Variants in CCDC85C observed in about 807,000 individuals in gnomAD.
The protein encoded by CCDC85C is coiled-coil domain-containing protein 85C.
Under a neutral mutation model 38.3 loss-of-function variants are expected in CCDC85C, and 18 were observed. The observed-to-expected ratio is 0.47, with a 90% CI of 0.33 to 0.70. The LOEUF (loss-of-function observed/expected upper bound fraction) is 0.70, where lower values mean the gene tolerates loss of function less well. Among genes scored for constraint, CCDC85C ranks in the 30% least tolerant of loss-of-function variants. The probability of loss-of-function intolerance (pLI) is 0.03; values close to 1 mark genes in which losing one functional copy is unlikely to be tolerated. For synonymous variants in CCDC85C, 264 were observed against 293.8 expected (o/e 0.90, Z 1.04); for missense variants, 566 against 621.2 (o/e 0.91, Z 0.94).
intron 1 of CCDC85C, among the ~76,000 whole-genome samples, chr14:99,596,766 G>A (rs895524381): frequency 6.6e-6 from 1 of 152,208 alleles, no homozygotes; most frequent in Admixed American, 6.5e-5. Context: ...TTGTTGTTAT[G>A]TAGCAGGGAG....
chr14:99,597,787 A>G (rs1227167118), intron 1 of CCDC85C, among the ~76,000 whole-genome samples: 2 of 151,970 alleles, frequency 1.3e-5, no homozygotes, highest in East Asian at 3.9e-4. Flanking sequence ...CAACTAGATG[A>G]GGACTCAGCT....
chr14:99,556,998 G>T (rs546633613), intron 1 of CCDC85C, among the ~76,000 whole-genome samples: 1 of 151,872 alleles, frequency 6.6e-6, no homozygotes, highest in South Asian at 2.1e-4. Context: ...AGCACCTTTT[G>T]TACATTCTTG....
intron 2 of CCDC85C, among the ~76,000 whole-genome samples, chr14:99,534,369 A>AG (rs1897552028): frequency 6.6e-6 from 1 of 151,634 alleles, no homozygotes; most frequent in African/African-American, 2.4e-5. Context: ...AAAAAAAAAA[A>AG]GAAAGAAAGA....
intron 1 of CCDC85C, among the ~76,000 whole-genome samples, chr14:99,582,652 T>A (rs112447685): frequency 6.6e-6 from 1 of 151,840 alleles, no homozygotes; most frequent in African/African-American, 2.4e-5. Flanking sequence ...CCCCTCTCTA[T>A]GAAAAATACA....
At position 99,566,953 on chromosome 14, in the gene CCDC85C, A is replaced by T. The variant is rs544995371; in HGVS notation, c.794-30865T>A. Among the ~76,000 whole-genome samples, 14 of 152,272 alleles carry T rather than the reference A, an allele frequency of 9.2e-5. 1 individual carries two copies. In the South Asian group the frequency reaches 1.5e-3, roughly 16 times the overall value. ...CTTCCTGAGGTGAGCATGCTAGCAT[A>T]ACATCCAGTACACCCAGAAAACCAG... On this transcript the variant is annotated intron_variant, in intron 1 of 5. Coordinates refer to ENST00000380243, the MANE Select transcript of CCDC85C (RefSeq NM_001144995.2).
chr14:99,552,587 T>G (rs12884693), intron 1 of CCDC85C, among the ~76,000 whole-genome samples: 80,597 of 151,782 alleles, frequency 0.53, 21,568 homozygotes, highest in African/African-American at 0.58. Context: ...CTGGAGAGGG[T>G]CCTGGCCAGC....
rs1311438712 is a variant in CCDC85C, at chr14:99,503,106, C to T, written c.*12140G>A. On this transcript the variant is annotated 3_prime_UTR_variant, in exon 6 of 6. Transcript: ENST00000380243. ...CGGAAGCAGGGGGTGTTCGCCGAAA[C>T]TCGCAGTCCGACTGCTTGTCGGTGG... is the stretch of plus-strand genomic sequence containing the variant. The T allele has an allele frequency of 4.4e-6, 5 of 1,135,538 alleles. No homozygotes were observed. The East Asian group carries it at 1.2e-4, about 27-fold the overall frequency. The allele number at this position is 1,135,538 out of a possible 1,614,324, so 70.3% of individuals were successfully genotyped here.
chr14:99,533,235 C>G lies in CCDC85C; in HGVS notation c.867+2780G>C, dbSNP rs1456383920. ...CATACGGCTGCCTCCTTTCAGGGTA[C>G]TGGGTATGGCCCTGACAACACTTGC... On this transcript the variant is annotated intron_variant, in intron 2 of 5. Coordinates refer to ENST00000380243, the MANE Select transcript of CCDC85C (RefSeq NM_001144995.2). This position sits in a 1 kb window ranked among gnomAD's most constrained non-coding sequence, Gnocchi z 4.2. 6.6e-6 allele frequency among the ~76,000 whole-genome samples: 1 copy of G among 152,204 alleles called. No homozygotes were observed. Among genetic ancestry groups the G allele is most frequent in the African/African-American group, 2.4e-5 (1 of 41,454 alleles).
In CCDC85C at chr14:99,500,769, G is replaced by T; in HGVS notation, c.*14477C>A. 1 of 1,549,208 alleles carries T rather than the reference G, an allele frequency of 6.5e-7. No homozygotes were observed. On this transcript the variant is annotated 3_prime_UTR_variant, in exon 6 of 6. Coordinates refer to ENST00000380243, the MANE Select transcript of CCDC85C (RefSeq NM_001144995.2). ...AACATTTGTGATTGATTTTTAGGAG[G>T]AAGTAATGGTTCTGGAGAGAATCTT...
chr14:99,568,331 T>C (rs568731191), intron 1 of CCDC85C, among the ~76,000 whole-genome samples: 2 of 143,998 alleles, frequency 1.4e-5, no homozygotes, highest in African/African-American at 5.2e-5. Context: ...CGGCTCACTA[T>C]AGTCTCATGG....
chr14:99,583,986 T>G (rs1162358289), intron 1 of CCDC85C, among the ~76,000 whole-genome samples: 1 of 152,052 alleles, frequency 6.6e-6, no homozygotes, highest in Non-Finnish European at 1.5e-5. Flanking sequence ...ATGTGCTCCT[T>G]ATGTGAGATG....
rs1898366064 is a variant in CCDC85C, at chr14:99,572,296, C to T, written c.793+30871G>A. Among the ~76,000 whole-genome samples the T allele has an allele frequency of 6.6e-6, 1 of 152,178 alleles. No individual in the cohort carries two copies. Among genetic ancestry groups the T allele is most frequent in the Non-Finnish European group, 1.5e-5 (1 of 68,024 alleles). On this transcript the variant is annotated intron_variant, in intron 1 of 5. Coordinates refer to ENST00000380243, the MANE Select transcript of CCDC85C (RefSeq NM_001144995.2). This position sits in a 1 kb window ranked among gnomAD's most constrained non-coding sequence, Gnocchi z 4.4. ...AGGGATGGGTCTTTTCATGCCATCA[C>T]TGCCGTCTCCTCCCCGCTACTTTCC...
In CCDC85C at chr14:99,535,962, G is replaced by A; in HGVS notation, c.867+53C>T. 1.5e-6 allele frequency: 2 copies of A among 1,346,310 alleles called. No individual in the cohort carries two copies. Among genetic ancestry groups the A allele is most frequent in the East Asian group, 2.5e-5 (1 of 39,934 alleles). The allele number at this position is 1,346,310 out of a possible 1,614,324, so 83.4% of individuals were successfully genotyped here. A position where few individuals can be genotyped will look rare whatever the true frequency, so the allele number is the denominator to read the frequency against. Reference sequence around the variant, plus strand: ...GAAGGGTGCCCTGGGTGAGCTGGAGGGGTGGGTGCTGGGTCGCGGTCCTCA... The same window carrying A: ...GAAGGGTGCCCTGGGTGAGCTGGAGAGGTGGGTGCTGGGTCGCGGTCCTCA... On this transcript the variant is annotated intron_variant, in intron 2 of 5. Coordinates refer to ENST00000380243, the MANE Select transcript of CCDC85C (RefSeq NM_001144995.2). The surrounding 1 kb of genome is among the most constrained non-coding windows in gnomAD (Gnocchi z 5.5).
Position 99,506,949 on chromosome 14 carries a change from C to T in CCDC85C, c.*8297G>A. The T allele has an allele frequency of 1.4e-6, 1 of 738,658 alleles. No homozygotes were observed. Among genetic ancestry groups the T allele is most frequent in the Non-Finnish European group, 2.5e-6 (1 of 400,636 alleles). 45.8% of individuals were successfully genotyped at this position (738,658 alleles called of 1,614,324 possible). On this transcript the variant is annotated 3_prime_UTR_variant, in exon 6 of 6. Transcript: ENST00000380243. ...TTTAGCTGAAACCTTCTTCAAGTTC[C>T]CTTAAAGCCTTGGTCATCTCTGTTG...
chr14:99,600,327 C>T (rs1051424084), intron 1 of CCDC85C, among the ~76,000 whole-genome samples: 1 of 152,174 alleles, frequency 6.6e-6, no homozygotes, highest in Non-Finnish European at 1.5e-5. Context: ...GAGGCTTGGC[C>T]AGTTAATAAC....
chr14:99,571,923 C>T (rs1898353907), intron 1 of CCDC85C, among the ~76,000 whole-genome samples: 1 of 152,218 alleles, frequency 6.6e-6, no homozygotes, highest in Non-Finnish European at 1.5e-5. Flanking sequence ...ACCTATCCAG[C>T]CTCCTGCCTC....
intron 1 of CCDC85C, among the ~76,000 whole-genome samples, chr14:99,559,498 C>G (rs1260452047): frequency 6.6e-6 from 1 of 152,022 alleles, no homozygotes; most frequent in Non-Finnish European, 1.5e-5. Flanking sequence ...CGTCACCCAC[C>G]ACATTTGCCA....
intron 1 of CCDC85C, among the ~76,000 whole-genome samples, chr14:99,546,736 C>T (rs531245855): frequency 3.9e-5 from 6 of 152,130 alleles, no homozygotes; most frequent in East Asian, 1.9e-4. Context: ...GCCACGGTGC[C>T]GGCGGGGAAA....
intron 1 of CCDC85C, among the ~76,000 whole-genome samples, chr14:99,555,477 C>G (rs543090092): frequency 6.6e-6 from 1 of 152,328 alleles, no homozygotes; most frequent in African/African-American, 2.4e-5. Flanking sequence ...CCTTCTCCTC[C>G]CTGGCACACA....
Sources: gnomAD v4.1 joint callset for allele counts (sites outside exome capture counted in the v4.1 genomes callset) on GRCh38, gnomAD v4.1.1 for gene constraint, Gnocchi (gnomAD v3.1) non-coding constraint, MANE v1.5 for transcripts, NCBI Gene and HGNC (gene_info 2026-07-23, HGNC 2026-07-21) for gene names.